HRK: variants seen among roughly 807,000 people sequenced by gnomAD.
HRK encodes the protein harakiri, BCL2 interacting protein, also known as activator of apoptosis harakiri.
Under a neutral mutation model 5.9 loss-of-function variants are expected in HRK, and 6 were observed. The ratio of observed to expected loss-of-function variants is 1.02; its 90% CI spans 0.56 to 2.01. HRK has a LOEUF of 2.01. Ranked by LOEUF, HRK falls within the 30% of genes most tolerant of loss-of-function variation. The probability of loss-of-function intolerance (pLI) is 0.00; values close to 1 mark genes in which losing one functional copy is unlikely to be tolerated. For synonymous variants in HRK, 85 were observed against 65.1 expected (o/e 1.31, Z -1.47); for missense variants, 133 against 128.3 (o/e 1.04, Z -0.18).
intron 1 of HRK, among the ~76,000 whole-genome samples, chr12:116,863,819 C>T (rs1878446435): frequency 6.6e-6 from 1 of 152,112 alleles, no homozygotes; most frequent in South Asian, 2.1e-4. Flanking sequence ...CCACCTCAGC[C>T]TCTAGCTGGG....
chr12:116,865,799 C>T lies in HRK; in HGVS notation c.*57-4333G>A, dbSNP rs534808706. On this transcript the variant is annotated intron_variant, in intron 1 of 1. Coordinates refer to ENST00000257572, the MANE Select transcript of HRK (RefSeq NM_003806.4). The stretch of plus-strand genomic sequence containing the variant: ...ATTAGGTTCCCAGAGCCCAGCACAA[C>T]GCCCAGCGTATACTAGGCGCTCAAT... Among the ~76,000 whole-genome samples, 163 of 152,244 alleles carry T rather than the reference C, an allele frequency of 1.1e-3. 1 individual carries two copies. Among genetic ancestry groups the T allele is most frequent in the African/African-American group, 3.6e-3 (148 of 41,538 alleles).
chr12:116,863,052 A>T (rs4767466), intron 1 of HRK, among the ~76,000 whole-genome samples: 144,140 of 152,254 alleles, frequency 0.95, 68,302 homozygotes, highest in African/African-American at 0.98. Flanking sequence ...AAGGACAGAT[A>T]AGGTGGCTAT....
intron 1 of HRK, among the ~76,000 whole-genome samples, chr12:116,868,473 A>G (rs566425135): frequency 6.6e-6 from 1 of 152,274 alleles, no homozygotes; most frequent in East Asian, 1.9e-4. Flanking sequence ...GATGGGTTAG[A>G]TGTCTCTAAT....
Position 116,870,869 on chromosome 12 carries a change from T to A in HRK, c.*57-9403A>T, listed in dbSNP as rs547555356. 5.3e-5 allele frequency among the ~76,000 whole-genome samples: 8 copies of A among 152,302 alleles called. No individual in the cohort carries two copies. In the East Asian group the frequency reaches 1.5e-3, roughly 29 times the overall value. Reference sequence around the variant, plus strand: ...ACGGCAGTGTTTCCAGATCTTGACATGATTTTATGCTCTAGACAGCCTTTA... The same window carrying A: ...ACGGCAGTGTTTCCAGATCTTGACAAGATTTTATGCTCTAGACAGCCTTTA... On this transcript the variant is annotated intron_variant, in intron 1 of 1. Transcript: ENST00000257572.
rs935165823 is a variant in HRK at position 116,857,424 on chromosome 12, C to A, written c.*4099G>T. 2.6e-5 allele frequency: 4 copies of A among 152,198 alleles called. No individual in the cohort carries two copies. The highest frequency in any genetic ancestry group is 5.9e-5 in the Non-Finnish European group (4 of 68,044). The allele number at this position is 152,198 out of a possible 1,614,324, so 9.4% of individuals were successfully genotyped here. A position where few individuals can be genotyped will look rare whatever the true frequency, so the allele number is the denominator to read the frequency against. On this transcript the variant is annotated 3_prime_UTR_variant, in exon 2 of 2. Coordinates refer to ENST00000257572, the MANE Select transcript of HRK (RefSeq NM_003806.4). ...TCTAGCTGGTCCCCCAAACCCTTAA[C>A]CAACTTCTGACCTTCAGAAAAGAAA...
rs370368243 is a variant in HRK at position 116,871,666 on chromosome 12, G to A, written c.*56+9310C>T. On this transcript the variant is annotated intron_variant, in intron 1 of 1. Transcript: ENST00000257572. ...TTTTGAGACAGGGTCTTGCTCTGTC[G>A]CCCAGGTTGGAGTACAGTGGCGTGA... Among the ~76,000 whole-genome samples, 72 of 147,682 alleles carry A rather than the reference G, an allele frequency of 4.9e-4. No individual in the cohort carries two copies. In the East Asian group the frequency reaches 0.012, roughly 25 times the overall value.
At chr12:116,863,511 C>T (rs536303336) in intron 1 of HRK, among the ~76,000 whole-genome samples, 1 of 152,300 alleles carries the variant, frequency 6.6e-6, no homozygotes, top group African/African-American at 2.4e-5. Context: ...CTGCCCACGC[C>T]TTTGCTGTTG....
At chr12:116,863,357 G>A (rs536317785) in intron 1 of HRK, among the ~76,000 whole-genome samples, 60 of 152,278 alleles carry the variant, frequency 3.9e-4, no homozygotes, top group Non-Finnish European at 7.8e-4. Context: ...GGCCACAGCC[G>A]CTGTCTGGAC....
chr12:116,876,185 T>A (rs533077901), intron 1 of HRK, among the ~76,000 whole-genome samples: 44 of 152,324 alleles, frequency 2.9e-4, no homozygotes, highest in African/African-American at 1.1e-3. Flanking sequence ...TGCGAGCGGA[T>A]GACTCCAGAC....
chr12:116,862,104 A>G lies in HRK; in HGVS notation c.*57-638T>C, dbSNP rs1041578565. On this transcript the variant is annotated intron_variant, in intron 1 of 1. Coordinates refer to ENST00000257572, the MANE Select transcript of HRK (RefSeq NM_003806.4). This position sits in a 1 kb window ranked among gnomAD's most constrained non-coding sequence, Gnocchi z 4.0. ...TATAGGAGCCCAGGGGAGGCAGCTC[A>G]TAAGGGAGACAAAGCAGACTCCTCA... Among the ~76,000 whole-genome samples, 2 of 152,218 alleles carry G rather than the reference A, an allele frequency of 1.3e-5. No homozygotes were observed. The highest frequency in any genetic ancestry group is 4.8e-5 in the African/African-American group (2 of 41,462).
intron 1 of HRK, 35 bp downstream of exon 1, chr12:116,880,941 G>T: frequency 9.7e-7 from 1 of 1,029,442 alleles, no homozygotes; most frequent in Non-Finnish European, 1.2e-6. Flanking sequence ...GTGCCCAGCT[G>T]CCGCGCCCCG....
At chr12:116,874,562 A>G (rs1287214561) in intron 1 of HRK, among the ~76,000 whole-genome samples, 1 of 152,078 alleles carries the variant, frequency 6.6e-6, no homozygotes, top group Non-Finnish European at 1.5e-5. Context: ...CCCATTCCAC[A>G]TGCTATTCTA....
rs926555614 is a variant in HRK, at chr12:116,879,913, T to C, written c.*56+1063A>G. On this transcript the variant is annotated intron_variant, in intron 1 of 1. Coordinates refer to ENST00000257572, the MANE Select transcript of HRK (RefSeq NM_003806.4). The surrounding 1 kb of genome is among the most constrained non-coding windows in gnomAD (Gnocchi z 5.6). ...GCTTCACCTTCCGGCCCTAGACCCA[T>C]CTATGGTGGGCTCAGCCTGATTCTC... 5.9e-5 allele frequency among the ~76,000 whole-genome samples: 9 copies of C among 152,154 alleles called. No individual in the cohort carries two copies. Among genetic ancestry groups the C allele is most frequent in the African/African-American group, 2.2e-4 (9 of 41,444 alleles).
chr12:116,871,205 C>A (rs1439306850), intron 1 of HRK, among the ~76,000 whole-genome samples: 2 of 151,692 alleles, frequency 1.3e-5, no homozygotes, highest in South Asian at 4.1e-4. Context: ...GCTCTACCCA[C>A]CTTGGCCCCC....
At chr12:116,864,537 C>G (rs932639780) in intron 1 of HRK, among the ~76,000 whole-genome samples, 1 of 152,168 alleles carries the variant, frequency 6.6e-6, no homozygotes, top group Non-Finnish European at 1.5e-5. Flanking sequence ...AACACACACA[C>G]ATATTTTTTC....
Position 116,881,187 on chromosome 12 carries a change from C to G in HRK, c.121G>C (p.Gly41Arg). The change falls in exon 1 of 2, where the codon GGC (glycine) becomes CGC (arginine). Residue 41 changes from glycine to arginine, a missense_variant. By Grantham distance (125) the Gly-to-Arg change is moderately radical. Coordinates refer to ENST00000257572, the MANE Select transcript of HRK (RefSeq NM_003806.4). ...QLTAARLKAL[G>R]DELHQRTMWR... ...ATGGTGCGCTGGTGCAGCTCGTCGC[C>G]TAGCGCCTTGAGCCGGGCGGCGGTG... is the stretch of plus-strand genomic sequence containing the variant. 1 of 1,154,572 alleles carries G rather than the reference C, an allele frequency of 8.7e-7. No individual in the cohort carries two copies. Among genetic ancestry groups the G allele is most frequent in the Non-Finnish European group, 1.1e-6 (1 of 940,044 alleles). 71.5% of individuals were successfully genotyped at this position (1,154,572 alleles called of 1,614,324 possible).
rs992303531 is a variant in HRK, at chr12:116,878,248, G to A, written c.*56+2728C>T. Among the ~76,000 whole-genome samples, 29 of 152,274 alleles carry A rather than the reference G, an allele frequency of 1.9e-4. No individual in the cohort carries two copies. Among genetic ancestry groups the A allele is most frequent in the South Asian group, 8.3e-4 (4 of 4,824 alleles). ...TGAAAATATTGATTCTGCATATAGC[G>A]GAGCACACCCTTTAAACCTATGGGA... On this transcript the variant is annotated intron_variant, in intron 1 of 1. Coordinates refer to ENST00000257572, the MANE Select transcript of HRK (RefSeq NM_003806.4). This position sits in a 1 kb window ranked among gnomAD's most constrained non-coding sequence, Gnocchi z 4.4.
At chr12:116,863,545 A>G (rs1355423833) in intron 1 of HRK, among the ~76,000 whole-genome samples, 1 of 152,126 alleles carries the variant, frequency 6.6e-6, no homozygotes. Flanking sequence ...TTCTCCTCTG[A>G]TTACTGAGTT....
chr12:116,872,694 G>A (rs1198622815), intron 1 of HRK, among the ~76,000 whole-genome samples: 2 of 152,088 alleles, frequency 1.3e-5, no homozygotes, highest in Non-Finnish European at 2.9e-5. Flanking sequence ...AGAGTCGCTT[G>A]AGCCCAGGAG....
Sources: allele counts gnomAD v4.1 joint callset (sites outside exome capture counted in the v4.1 genomes callset), GRCh38; gene constraint gnomAD v4.1.1; non-coding constraint Gnocchi (gnomAD v3.1); transcripts MANE v1.5; gene names NCBI Gene and HGNC (gene_info 2026-07-23, HGNC 2026-07-21).